The following LRRC20 variants were observed in gnomAD, a reference collection of about 807,000 sequenced individuals.
LRRC20 encodes the protein leucine rich repeat containing 20.
A neutral mutation model predicts 14.4 loss-of-function variants in LRRC20; 11 were observed. The ratio of observed to expected loss-of-function variants is 0.77; its 90% CI spans 0.48 to 1.27. The LOEUF (loss-of-function observed/expected upper bound fraction) is 1.27. Ranked by LOEUF, LRRC20 falls within the 50% of genes most tolerant of loss-of-function variation. LRRC20 has a pLI of 0.00. For missense variants in LRRC20, 219 were observed against 251.2 expected (o/e 0.87, Z 0.87); for synonymous variants, 121 against 107.3 (o/e 1.13, Z -0.79).
chr10:70,377,217 T>G (rs1844543233), intron 1 of LRRC20, among the ~76,000 whole-genome samples: 1 of 152,148 alleles, frequency 6.6e-6, no homozygotes. Flanking sequence ...AGTACTAGCC[T>G]GCAGACCTGA....
In LRRC20 at chr10:70,364,857, G is replaced by C. The variant is rs112784366; in HGVS notation, c.82+11595C>G. Among the ~76,000 whole-genome samples, 199 of 152,236 alleles carry C rather than the reference G, an allele frequency of 1.3e-3. 1 individual carries two copies. Among genetic ancestry groups the C allele is most frequent in the African/African-American group, 4.4e-3 (184 of 41,542 alleles). ...CCAGGAGCACATCACATCCATGTCC[G>C]TATTTATTCATCATCTCCCACATGC... is the stretch of plus-strand genomic sequence containing the variant. On this transcript the variant is annotated intron_variant, in intron 2 of 4. Coordinates refer to ENST00000446961, the MANE Select transcript of LRRC20 (RefSeq NM_001278212.2).
At chr10:70,327,570 G>C (rs961128486) in intron 3 of LRRC20, among the ~76,000 whole-genome samples, 1 of 130,756 alleles carries the variant, frequency 7.6e-6, no homozygotes, top group African/African-American at 3.0e-5. Flanking sequence ...TACAAAGTGA[G>C]ACTCTATCTA....
chr10:70,339,646 C>T (rs776902398), intron 3 of LRRC20, among the ~76,000 whole-genome samples: 31 of 152,058 alleles, frequency 2.0e-4, no homozygotes, highest in Non-Finnish European at 4.0e-4. Context: ...AGTGACCTCT[C>T]GTAGAAGGAT....
chr10:70,382,309 G>A (rs1306999223), intron 1 of LRRC20, among the ~76,000 whole-genome samples: 4 of 152,230 alleles, frequency 2.6e-5, no homozygotes, highest in Non-Finnish European at 5.9e-5. Context: ...CGGGGTCCAG[G>A]TGCAGTGAGC....
chr10:70,362,845 T>G (rs1380845065), intron 2 of LRRC20, among the ~76,000 whole-genome samples: 3 of 152,194 alleles, frequency 2.0e-5, no homozygotes, highest in African/African-American at 7.2e-5. Flanking sequence ...TGAATGTATG[T>G]GTCACCCCAA....
chr10:70,357,931 C>G (rs1843591964), intron 2 of LRRC20, among the ~76,000 whole-genome samples: 2 of 152,340 alleles, frequency 1.3e-5, no homozygotes, highest in South Asian at 4.1e-4. Context: ...CCAAGCCAGA[C>G]CTTGGAGAGG....
intron 2 of LRRC20, among the ~76,000 whole-genome samples, chr10:70,356,864 ACAAAAAACAAAG>A (rs1270171958): frequency 6.6e-6 from 1 of 151,822 alleles, no homozygotes; most frequent in Non-Finnish European, 1.5e-5. Context: ...ACAAAACAAA[ACAAAAAACAAAG>A]CAAAACAAAA....
chr10:70,358,675 G>C (rs1414901112), intron 2 of LRRC20, among the ~76,000 whole-genome samples: 2 of 152,156 alleles, frequency 1.3e-5, no homozygotes, highest in Admixed American at 1.3e-4. Context: ...ACTGGCTACC[G>C]CAGTCTAGAA....
intron 1 of LRRC20, among the ~76,000 whole-genome samples, chr10:70,381,322 A>T (rs1348400799): frequency 6.6e-6 from 1 of 152,158 alleles, no homozygotes; most frequent in African/African-American, 2.4e-5. Context: ...GGAAGTTTGG[A>T]TGTAATAAAT....
At chr10:70,357,611 C>A (rs1014442197) in intron 2 of LRRC20, among the ~76,000 whole-genome samples, 1 of 152,070 alleles carries the variant, frequency 6.6e-6, no homozygotes, top group Non-Finnish European at 1.5e-5. Flanking sequence ...AAGCCCTGGA[C>A]GAGGAGACAA....
intron 4 of LRRC20, among the ~76,000 whole-genome samples, chr10:70,304,845 C>T (rs1461309256): frequency 6.6e-6 from 1 of 152,134 alleles, no homozygotes; most frequent in Non-Finnish European, 1.5e-5. Flanking sequence ...AAGGCTCATC[C>T]ACATTATGGC....
chr10:70,350,132 A>ATGATTAGCATCATTT (rs150160338), intron 2 of LRRC20, among the ~76,000 whole-genome samples: 6,234 of 152,234 alleles, frequency 0.041, 442 homozygotes, highest in African/African-American at 0.14. Context: ...TTAGTGCTAA[A>ATGATTAGCATCATTT]TGGCGGTCAC....
At chr10:70,362,975 C>A (rs1300823510) in intron 2 of LRRC20, among the ~76,000 whole-genome samples, 2 of 151,940 alleles carry the variant, frequency 1.3e-5, no homozygotes, top group Non-Finnish European at 2.9e-5. Flanking sequence ...ATGAAAGAGA[C>A]CCCCAGGCCA....
At chr10:70,308,754 CTGT>C (rs1445125260) in intron 4 of LRRC20, among the ~76,000 whole-genome samples, 1 of 152,106 alleles carries the variant, frequency 6.6e-6, no homozygotes, top group Non-Finnish European at 1.5e-5. Flanking sequence ...CAGAGACAGG[CTGT>C]TTTCAGAAGG....
At chr10:70,340,763 C>T (rs1328798573) in intron 2 of LRRC20, 61 bp from the exon 3 acceptor site, 2 of 1,582,508 alleles carry the variant, frequency 1.3e-6, no homozygotes, top group Middle Eastern at 1.8e-4. Context: ...AGAACTTGTC[C>T]CAGACTCACA....
intron 4 of LRRC20, 56 bp from the exon 5 acceptor site, chr10:70,301,564 A>G: frequency 6.3e-7 from 1 of 1,588,800 alleles, no homozygotes; most frequent in Non-Finnish European, 8.6e-7. Flanking sequence ...GACAGAAAAG[A>G]AGGACAATGG....
chr10:70,367,895 C>T (rs899783087), intron 2 of LRRC20, among the ~76,000 whole-genome samples: 2 of 150,090 alleles, frequency 1.3e-5, no homozygotes, highest in African/African-American at 2.5e-5. Flanking sequence ...AAAATCCACA[C>T]TACCAGCCCC....
At chr10:70,305,158 T>C (rs1841372023) in intron 4 of LRRC20, among the ~76,000 whole-genome samples, 7 of 152,164 alleles carry the variant, frequency 4.6e-5, no homozygotes, top group Admixed American at 4.6e-4. Context: ...CACTCCAGCC[T>C]GGGCAACAAG....
rs182459679 is a variant in LRRC20 at position 70,301,415 on chromosome 10, G to A, written c.494C>T (p.Pro165Leu). The change falls in exon 5 of 5, where the codon CCG becomes CTG. Residue 165 changes from proline to leucine, a missense_variant. By Grantham distance (98) the Pro-to-Leu change is moderately conservative. Coordinates refer to ENST00000446961, the MANE Select transcript of LRRC20 (RefSeq NM_001278212.2). ...GAGCATGTCAAACTTGATGAGCGGCGGGGCGATCACGCGCACCTCGGCGTT... is the reference window on the plus strand; with the variant it reads ...GAGCATGTCAAACTTGATGAGCGGCAGGGCGATCACGCGCACCTCGGCGTT... ...PLNAEVRVIAPPLIKFDMLMS... is the reference protein window; with the variant it reads ...PLNAEVRVIALPLIKFDMLMS... The A allele has an allele frequency of 1.3e-5, 21 of 1,613,816 alleles. No homozygotes were observed. The highest frequency in any genetic ancestry group is 8.9e-5 in the East Asian group (4 of 44,888).
Sources: gnomAD v4.1 joint callset for allele counts (sites outside exome capture counted in the v4.1 genomes callset) on GRCh38, gnomAD v4.1.1 for gene constraint, MANE v1.5 for transcripts, NCBI Gene and HGNC (gene_info 2026-07-23, HGNC 2026-07-21) for gene names.